GSE1: variants seen among roughly 807,000 people sequenced by gnomAD.
GSE1 encodes Gse1 coiled-coil protein, also known as genetic suppressor element 1.
Under a neutral mutation model 112.6 loss-of-function variants are expected in GSE1, and 32 were observed. The ratio of observed to expected loss-of-function variants is 0.28; its 90% CI spans 0.21 to 0.38. The LOEUF (loss-of-function observed/expected upper bound fraction) is 0.38, where lower values mean the gene tolerates loss of function less well. Among genes scored for constraint, GSE1 ranks in the 10% least tolerant of loss-of-function variants. The probability of loss-of-function intolerance (pLI) is 1.00; values close to 1 mark genes in which losing one functional copy is unlikely to be tolerated. For missense variants in GSE1, 2,348 were observed against 1,699.2 expected, an observed-to-expected ratio of 1.38 and a Z score of -6.71; for synonymous variants, 1,115 against 735.6, an observed-to-expected ratio of 1.52 and a Z score of -8.35.
chr16:85,456,680 CAGCTAAGTGGT>C (rs1375675969), intron 2 of GSE1, among the ~76,000 whole-genome samples: 1 of 145,046 alleles, frequency 6.9e-6, no homozygotes, highest in Non-Finnish European at 1.5e-5. Context: ...GGACTTGAGG[CAGCTAAGTGGT>C]ATTTAAAGAA....
At chr16:85,239,791 C>G (rs959629295) in intron 1 of GSE1, among the ~76,000 whole-genome samples, 1 of 152,234 alleles carries the variant, frequency 6.6e-6, no homozygotes, top group African/African-American at 2.4e-5. Flanking sequence ...ATAGAAATCT[C>G]TTCTCCATCT....
chr16:85,420,183 T>C (rs972567161), intron 2 of GSE1, among the ~76,000 whole-genome samples: 1 of 152,110 alleles, frequency 6.6e-6, no homozygotes, highest in Non-Finnish European at 1.5e-5. Context: ...AGCCAGGAGT[T>C]CGAAACCAGC....
rs924827411 is a variant in GSE1 at position 85,178,005 on chromosome 16, G to A, written c.2283+6198G>A. ...GTGTCTGCCCTGGGCCAGGCACTCC[G>A]GGAGCATGTGGCGCTCTGGGCACCT... On this transcript the variant is annotated intron_variant, in intron 1 of 2. Coordinates refer to the GSE1 transcript ENST00000637419. Among the ~76,000 whole-genome samples, 7 of 152,156 alleles carry A rather than the reference G, an allele frequency of 4.6e-5. No individual in the cohort carries two copies. In the East Asian group the frequency reaches 9.6e-4, roughly 21 times the overall value.
At chr16:85,389,435 G>A (rs1441305797) in intron 2 of GSE1, among the ~76,000 whole-genome samples, 1 of 149,516 alleles carries the variant, frequency 6.7e-6, no homozygotes, top group African/African-American at 2.5e-5. Context: ...ACTCCAGCCT[G>A]GGTGACAGAG....
chr16:85,524,049 G>A (rs1363454686), intron 2 of GSE1, among the ~76,000 whole-genome samples: 3 of 152,180 alleles, frequency 2.0e-5, no homozygotes, highest in Non-Finnish European at 4.4e-5. Context: ...GGGTGGTGGG[G>A]CCAGGGCCAG....
chr16:85,566,738 G>A (rs144953245), intron 1 of GSE1, among the ~76,000 whole-genome samples: 93 of 152,256 alleles, frequency 6.1e-4, no homozygotes, highest in Middle Eastern at 3.4e-3. Context: ...AGACCTCCTC[G>A]CTGGTCCTAA....
In GSE1 at chr16:85,244,588, G is replaced by A. The variant is rs1261210580; in HGVS notation, c.2283+72781G>A. 4.6e-5 allele frequency among the ~76,000 whole-genome samples: 7 copies of A among 152,198 alleles called. No individual in the cohort carries two copies. The South Asian group carries it at 8.3e-4, about 18-fold the overall frequency. On this transcript the variant is annotated intron_variant, in intron 1 of 2. Coordinates refer to the GSE1 transcript ENST00000637419. ...AACCAGGCCAGGTGCAGTGGCTCAC[G>A]CATGTAATCCTAGCACGATGGGAGG...
intron 2 of GSE1, among the ~76,000 whole-genome samples, chr16:85,636,025 G>C (rs1055625770): frequency 2.0e-5 from 3 of 152,218 alleles, no homozygotes; most frequent in Non-Finnish European, 2.9e-5. Context: ...CGGGTGGCCT[G>C]AGTGCCAGAG....
intron 2 of GSE1, among the ~76,000 whole-genome samples, chr16:85,547,283 C>T (rs1424564568): frequency 6.6e-6 from 1 of 152,204 alleles, no homozygotes; most frequent in Non-Finnish European, 1.5e-5. Context: ...TGGGTGGCAG[C>T]TTAAAACAAC....
At chr16:85,415,111 T>C (rs1225179539) in intron 2 of GSE1, among the ~76,000 whole-genome samples, 1 of 152,144 alleles carries the variant, frequency 6.6e-6, no homozygotes, top group East Asian at 1.9e-4. Flanking sequence ...TGCTAATTTT[T>C]GTATTTTCTG....
chr16:85,643,072 G>T (rs774893148), intron 2 of GSE1, among the ~76,000 whole-genome samples: 2 of 152,162 alleles, frequency 1.3e-5, no homozygotes, highest in Non-Finnish European at 2.9e-5. Context: ...GTGGCGCTGC[G>T]GTCCTGTTTT....
chr16:85,582,818 A>G (rs1442364261), intron 1 of GSE1, among the ~76,000 whole-genome samples: 1 of 152,172 alleles, frequency 6.6e-6, no homozygotes, highest in African/African-American at 2.4e-5. Context: ...CCGCCTTGTC[A>G]TTTAGCTGTT....
chr16:85,636,288 A>AC (rs1375539318), intron 2 of GSE1, among the ~76,000 whole-genome samples: 1 of 151,958 alleles, frequency 6.6e-6, no homozygotes, highest in East Asian at 1.9e-4. Context: ...CACCCACCTC[A>AC]CCCCCTATTG....
intron 9 of GSE1, 58 bp from the exon 10 acceptor site, chr16:85,662,923 T>G: frequency 1.7e-6 from 2 of 1,211,248 alleles, no homozygotes; most frequent in Non-Finnish European, 2.4e-6. Context: ...CCTGCGGGCA[T>G]GTCCACTGGA....
chr16:85,630,697 G>C (rs922644307), intron 1 of GSE1, among the ~76,000 whole-genome samples: 2 of 152,200 alleles, frequency 1.3e-5, no homozygotes, highest in African/African-American at 2.4e-5. Context: ...CCTTCTGATC[G>C]GGTGCCATGG....
At chr16:85,524,068 GCCA>G (rs1289331896) in intron 2 of GSE1, among the ~76,000 whole-genome samples, 1 of 152,188 alleles carries the variant, frequency 6.6e-6, no homozygotes, top group East Asian at 1.9e-4. Flanking sequence ...AGCTGCTGCA[GCCA>G]GGAGCCCCTC....
intron 1 of GSE1, among the ~76,000 whole-genome samples, chr16:85,235,850 C>T (rs1904582875): frequency 6.6e-6 from 1 of 151,980 alleles, no homozygotes; most frequent in African/African-American, 2.4e-5. Context: ...GCCGGGGCAG[C>T]TGTTCGCGAT....
At chr16:85,368,199 C>G (rs1305829138) in intron 2 of GSE1, among the ~76,000 whole-genome samples, 2 of 152,242 alleles carry the variant, frequency 1.3e-5, no homozygotes, top group African/African-American at 4.8e-5. Context: ...TTTCCTGGGT[C>G]AAGAGCTGAT....
intron 2 of GSE1, among the ~76,000 whole-genome samples, chr16:85,458,671 T>C (rs73263153): frequency 0.023 from 3,460 of 152,174 alleles, 127 homozygotes; most frequent in African/African-American, 0.08. Flanking sequence ...TGGGAACTCA[T>C]TAGGAATGCA....
Sources: allele counts gnomAD v4.1 joint callset (sites outside exome capture counted in the v4.1 genomes callset), GRCh38; gene constraint gnomAD v4.1.1; transcripts MANE v1.5; gene names NCBI Gene and HGNC (gene_info 2026-07-23, HGNC 2026-07-21).